FBXO46: variants seen among roughly 807,000 people sequenced by gnomAD.
FBXO46 encodes the protein F-box protein 46, also known as F-box only protein 46.
In FBXO46, 13 loss-of-function variants were observed where a neutral mutation model predicts 30.7. The ratio of observed to expected loss-of-function variants is 0.42; its 90% CI spans 0.28 to 0.67. The LOEUF (loss-of-function observed/expected upper bound fraction) is 0.67, where lower values mean the gene tolerates loss of function less well. Ranked by LOEUF, FBXO46 falls within the 30% of genes least tolerant of loss-of-function variation. The pLI, the probability that FBXO46 is intolerant of heterozygous loss-of-function variation, is 0.21. For synonymous variants in FBXO46, 467 were observed against 385.8 expected (o/e 1.21, Z -2.47); for missense variants, 754 against 871.5 (o/e 0.87, Z 1.70).
rs150794789 is a variant in FBXO46 at position 45,723,957 on chromosome 19, G to A, written c.-79+6892C>T. 3.4e-3 allele frequency among the ~76,000 whole-genome samples: 515 copies of A among 152,228 alleles called. 1 individual carries two copies. Among genetic ancestry groups the A allele is most frequent in the Non-Finnish European group, 5.0e-3 (340 of 68,018 alleles). ...GGAGTAAGACAGCTTTACCATAGCA[G>A]TTAGAAATACATCATTAAACGTGGT... On this transcript the variant is annotated intron_variant, in intron 1 of 1. Coordinates refer to ENST00000317683, the MANE Select transcript of FBXO46 (RefSeq NM_001080469.2).
chr19:45,717,373 C>T (rs2146150925), intron 1 of FBXO46: 1 of 152,400 alleles, frequency 6.6e-6, no homozygotes, highest in African/African-American at 2.4e-5. Flanking sequence ...CGCGGGCAGA[C>T]TAGCAACTAG....
intron 1 of FBXO46, among the ~76,000 whole-genome samples, chr19:45,714,060 T>C (rs1201052608): frequency 1.3e-5 from 2 of 151,356 alleles, no homozygotes; most frequent in Non-Finnish European, 3.0e-5. Flanking sequence ...AGATGCCCTT[T>C]TAACTTGCAG....
chr19:45,722,218 C>A (rs1037097400), intron 1 of FBXO46, among the ~76,000 whole-genome samples: 1 of 152,114 alleles, frequency 6.6e-6, no homozygotes, highest in African/African-American at 2.4e-5. Context: ...ACTGGGTCCC[C>A]TCCCTTTTAA....
At chr19:45,723,787 G>C (rs1300910579) in intron 1 of FBXO46, among the ~76,000 whole-genome samples, 1 of 152,074 alleles carries the variant, frequency 6.6e-6, no homozygotes, top group East Asian at 1.9e-4. Context: ...AGCCTCCCGA[G>C]TAGCTGGGAC....
At position 45,711,240 on chromosome 19, in the gene FBXO46, A is replaced by T. The variant is rs1967953601; in HGVS notation, c.*444T>A. 1 of 426,422 alleles carries T rather than the reference A, an allele frequency of 2.3e-6. No homozygotes were observed. The highest frequency in any genetic ancestry group is 7.0e-5 in the East Asian group (1 of 14,302). 26.4% of individuals were successfully genotyped at this position (426,422 alleles called of 1,614,324 possible). A position where few individuals can be genotyped will look rare whatever the true frequency, so the allele number is the denominator to read the frequency against. On this transcript the variant is annotated 3_prime_UTR_variant, in exon 2 of 2. Coordinates refer to ENST00000317683, the MANE Select transcript of FBXO46 (RefSeq NM_001080469.2). ...GTGTGGCAGGTTAGGAGAGGTGCCA[A>T]CCTTGGGCGATGCGGCTTCTTGGGA...
upstream of FBXO46, among the ~76,000 whole-genome samples, chr19:45,731,109 C>A (rs759370017): frequency 1.9e-4 from 29 of 152,338 alleles, no homozygotes; most frequent in African/African-American, 7.0e-4. Flanking sequence ...GGGTGCTTCC[C>A]CGCTGGGCGC....
At chr19:45,729,373 G>C (rs923211237) in intron 1 of FBXO46, among the ~76,000 whole-genome samples, 3 of 152,212 alleles carry the variant, frequency 2.0e-5, no homozygotes, top group Non-Finnish European at 4.4e-5. Flanking sequence ...AGAGGCTACA[G>C]TTAGCCATAC....
Position 45,712,307 on chromosome 19 carries a change from C to A in FBXO46, c.1189G>T (p.Val397Phe). Residue 397 changes from valine (V) to phenylalanine (F), a missense_variant, in exon 2 of 2, where the codon GTC (valine) becomes TTC (phenylalanine). Coordinates refer to ENST00000317683, the MANE Select transcript of FBXO46 (RefSeq NM_001080469.2). The surrounding 1 kb of genome is among the most constrained non-coding windows in gnomAD (Gnocchi z 8.8). ...GGAGGCGGCGGTTCCTCCGGGCTGACCGTCAGGCACACAGTCTCCTCCTTC... is the reference window on the plus strand; with the variant it reads ...GGAGGCGGCGGTTCCTCCGGGCTGAACGTCAGGCACACAGTCTCCTCCTTC... ...NVKEETVCLT[V>F]SPEEPPPPGQ... is the part of the protein sequence containing the mutation. The A allele has an allele frequency of 6.2e-7, 1 of 1,601,780 alleles. No homozygotes were observed. The highest frequency in any genetic ancestry group is 8.5e-7 in the Non-Finnish European group (1 of 1,179,624).
chr19:45,724,573 G>A (rs374056461), intron 1 of FBXO46, among the ~76,000 whole-genome samples: 22 of 152,012 alleles, frequency 1.4e-4, no homozygotes, highest in Admixed American at 2.6e-4. Flanking sequence ...TTGGGAGGCC[G>A]AAGTGGGAGG....
At position 45,711,844 on chromosome 19, in the gene FBXO46, G is replaced by C. The variant is rs1160400118; in HGVS notation, c.1652C>G (p.Pro551Arg). The C allele has an allele frequency of 6.2e-7, 1 of 1,613,666 alleles. No individual in the cohort carries two copies. The highest frequency in any genetic ancestry group is 2.2e-5 in the East Asian group (1 of 44,872). Residue 551 changes from proline to arginine, a missense_variant, in exon 2 of 2, where the codon CCC (proline) becomes CGC (arginine). This residue lies in a region of FBXO46 where 162 missense variants were observed against 258.7 expected (regional missense o/e 0.63). Coordinates refer to ENST00000317683, the MANE Select transcript of FBXO46 (RefSeq NM_001080469.2). Reference protein sequence around the residue: ...DVSLCRWHPKPYHHDLPYGRS... With the variant: ...DVSLCRWHPKRYHHDLPYGRS... ...TCCGTAAGGCAGGTCATGGTGGTAGGGCTTGGGGTGCCAGCGGCAGAGCGA... is the reference window on the plus strand; with the variant it reads ...TCCGTAAGGCAGGTCATGGTGGTAGCGCTTGGGGTGCCAGCGGCAGAGCGA...
chr19:45,719,316 A>G (rs1345611905), intron 1 of FBXO46, among the ~76,000 whole-genome samples: 1 of 152,174 alleles, frequency 6.6e-6, no homozygotes, highest in East Asian at 1.9e-4. Context: ...ATGATGACGA[A>G]ACAAAATGAC....
chr19:45,724,445 C>T (rs1194286041), intron 1 of FBXO46, among the ~76,000 whole-genome samples: 5 of 152,172 alleles, frequency 3.3e-5, no homozygotes, highest in Non-Finnish European at 7.3e-5. Context: ...ATTATGACAA[C>T]AGCAAGTTCC....
chr19:45,711,463 T>C lies in FBXO46; in HGVS notation c.*221A>G, dbSNP rs1269885423. On this transcript the variant is annotated 3_prime_UTR_variant, in exon 2 of 2. Transcript: ENST00000317683. Reference sequence around the variant, plus strand: ...CTGATAAAAAAAAAAAAAACACCCTTCTCAGAGGGTCCACGGCCCTGGTTC... The same window carrying C: ...CTGATAAAAAAAAAAAAAACACCCTCCTCAGAGGGTCCACGGCCCTGGTTC... The C allele has an allele frequency of 2.9e-6, 2 of 688,020 alleles. No homozygotes were observed. The highest frequency in any genetic ancestry group is 1.8e-5 in the African/African-American group (1 of 56,290). 42.6% of individuals were successfully genotyped at this position (688,020 alleles called of 1,614,324 possible). A position where few individuals can be genotyped will look rare whatever the true frequency, so the allele number is the denominator to read the frequency against.
chr19:45,711,387 G>T lies in FBXO46; in HGVS notation c.*297C>A. ...TCCCTGCTGGTGGGTCCTTGGGGTGGAAAGCATGGCAGGGAGGGGGTTGGG... is the reference window on the plus strand; with the variant it reads ...TCCCTGCTGGTGGGTCCTTGGGGTGTAAAGCATGGCAGGGAGGGGGTTGGG... On this transcript the variant is annotated 3_prime_UTR_variant, in exon 2 of 2. Transcript: ENST00000317683. 1 of 588,778 alleles carries T rather than the reference G, an allele frequency of 1.7e-6. No individual in the cohort carries two copies. Among genetic ancestry groups the T allele is most frequent in the African/African-American group, 1.9e-5 (1 of 53,840 alleles). 36.5% of individuals were successfully genotyped at this position (588,778 alleles called of 1,614,324 possible).
At chr19:45,725,739 C>G (rs1159822974) in intron 1 of FBXO46, among the ~76,000 whole-genome samples, 1 of 152,000 alleles carries the variant, frequency 6.6e-6, no homozygotes, top group Non-Finnish European at 1.5e-5. Flanking sequence ...GTCTCAAAAA[C>G]TTAAATAAAA....
intron 1 of FBXO46, chr19:45,716,804 T>C (rs1187734915): frequency 6.6e-6 from 1 of 152,162 alleles, no homozygotes; most frequent in Non-Finnish European, 1.5e-5. Flanking sequence ...TAACAATTCC[T>C]AATCCTCCTC....
Position 45,712,536 on chromosome 19 carries a change from G to C in FBXO46, c.960C>G (p.Pro320=). ...TGGCCAGCAGGAACTCCACGTTGCTGGGGAGGGCATCCCGCGAGGGGCTGA... is the reference window on the plus strand; with the variant it reads ...TGGCCAGCAGGAACTCCACGTTGCTCGGGAGGGCATCCCGCGAGGGGCTGA... ...QLISPSRDAL[P]SNVEFLLARA... The change falls in exon 2 of 2, where the codon CCC becomes CCG. Residue 320 remains proline, a synonymous_variant. Coordinates refer to ENST00000317683, the MANE Select transcript of FBXO46 (RefSeq NM_001080469.2). The surrounding 1 kb of genome is among the most constrained non-coding windows in gnomAD (Gnocchi z 8.8). 1.9e-6 allele frequency: 3 copies of C among 1,600,364 alleles called. No homozygotes were observed. Among genetic ancestry groups the C allele is most frequent in the Non-Finnish European group, 2.6e-6 (3 of 1,172,392 alleles).
In FBXO46 at chr19:45,712,142, C is replaced by T. The variant is rs1424139854; in HGVS notation, c.1354G>A (p.Val452Met). The T allele has an allele frequency of 2.5e-6, 4 of 1,594,080 alleles. No homozygotes were observed. The highest frequency in any genetic ancestry group is 3.4e-6 in the Non-Finnish European group (4 of 1,170,984). Residue 452 changes from valine (V) to methionine (M), a missense_variant, in exon 2 of 2, where the codon GTG becomes ATG. By Grantham distance (21) the Val-to-Met change is conservative. Transcript: ENST00000317683. This position sits in a 1 kb window ranked among gnomAD's most constrained non-coding sequence, Gnocchi z 8.8. ...DTSLCRLYRH[V>M]SHDFLEIRFK... ...CGGATCTCTAGGAAGTCGTGCGACACGTGCCGGTACAAGCGGCACAGGGAG... is the reference window on the plus strand; with the variant it reads ...CGGATCTCTAGGAAGTCGTGCGACATGTGCCGGTACAAGCGGCACAGGGAG...
At chr19:45,726,039 T>C (rs1254092500) in intron 1 of FBXO46, among the ~76,000 whole-genome samples, 1 of 152,122 alleles carries the variant, frequency 6.6e-6, no homozygotes, top group African/African-American at 2.4e-5. Context: ...GCCTGACTAA[T>C]TTTTTAAAAA....
Sources: gnomAD v4.1 joint callset for allele counts (sites outside exome capture counted in the v4.1 genomes callset) on GRCh38, gnomAD v4.1.1 for gene constraint, gnomAD v4.1.1 regional missense constraint, Gnocchi (gnomAD v3.1) non-coding constraint, MANE v1.5 for transcripts, NCBI Gene and HGNC (gene_info 2026-07-23, HGNC 2026-07-21) for gene names.